PPFIA2: variants seen among roughly 807,000 people sequenced by gnomAD.
PPFIA2 encodes the protein PPFI scaffold protein A2, also known as liprin-alpha-2.
A neutral mutation model predicts 175.5 loss-of-function variants in PPFIA2; 46 were observed. The ratio of observed to expected loss-of-function variants is 0.26; its 90% CI spans 0.21 to 0.34. The LOEUF is 0.34. Among genes scored for constraint, PPFIA2 ranks in the 10% least tolerant of loss-of-function variants. The pLI is 1.00. For synonymous variants in PPFIA2, 568 were observed against 511.4 expected (o/e 1.11, Z -1.49); for missense variants, 1,179 against 1,506.1 (o/e 0.78, Z 3.60).
At chr12:81,503,726 G>A (rs1485719656) in intron 4 of PPFIA2, among the ~76,000 whole-genome samples, 1 of 151,824 alleles carries the variant, frequency 6.6e-6, no homozygotes, top group Non-Finnish European at 1.5e-5. Context: ...TTTTTCTCTA[G>A]TTATAAATTT....
rs1335806585 is a variant in PPFIA2, at chr12:81,375,892, C to T, written c.1035G>A (p.Lys345=). ...DMEERITTLE[K]RYLSAQREST... ...ATTCTCTCTGAGCACTGAGGTAACG[C>T]TTTTCAAGGGTTGTAATTCTTTCTT... Residue 345 remains lysine (K), a synonymous_variant, in exon 10 of 33, where the codon AAG becomes AAA. Transcript: ENST00000549396. 8.7e-6 allele frequency: 14 copies of T among 1,612,928 alleles called. No homozygotes were observed. The highest frequency in any genetic ancestry group is 1.1e-5 in the Non-Finnish European group (13 of 1,179,212).
chr12:81,687,837 T>G (rs1233487406), intron 3 of PPFIA2, among the ~76,000 whole-genome samples: 1 of 151,924 alleles, frequency 6.6e-6, no homozygotes, highest in Non-Finnish European at 1.5e-5. Context: ...ATATTAATTA[T>G]TATTATTCAT....
Position 81,259,523 on chromosome 12 carries a change from C to A in PPFIA2, c.*171G>T. On this transcript the variant is annotated 3_prime_UTR_variant, in exon 33 of 33. Coordinates refer to ENST00000549396, the MANE Select transcript of PPFIA2 (RefSeq NM_003625.5). ...TAATCAAATGTAATATCTGACTCCC[C>A]CCAAAAATCACATTTTTCAGCTTTT... 1.9e-6 allele frequency: 2 copies of A among 1,046,108 alleles called. No individual in the cohort carries two copies. The highest frequency in any genetic ancestry group is 2.8e-6 in the Non-Finnish European group (2 of 715,554). The allele number at this position is 1,046,108 out of a possible 1,614,324, so 64.8% of individuals were successfully genotyped here.
intron 4 of PPFIA2, chr12:81,472,977 T>C (rs2056962157): frequency 6.6e-6 from 1 of 152,202 alleles, no homozygotes; most frequent in African/African-American, 2.4e-5. Flanking sequence ...TCTTAATCTT[T>C]GCAATTATTC....
intron 3 of PPFIA2, among the ~76,000 whole-genome samples, chr12:81,692,160 A>C (rs1339599646): frequency 6.6e-6 from 1 of 151,444 alleles, no homozygotes; most frequent in African/African-American, 2.4e-5. Flanking sequence ...AAGTTGCCAC[A>C]CTGTACAGCT....
chr12:81,473,145 C>A (rs575528118), intron 4 of PPFIA2, among the ~76,000 whole-genome samples: 2 of 152,096 alleles, frequency 1.3e-5, no homozygotes, highest in Non-Finnish European at 2.9e-5. Context: ...CGGTGACTCA[C>A]GCCTGTAATC....
In PPFIA2 at chr12:81,758,711, G is replaced by A. The variant is rs181968757; in HGVS notation, c.-110-204C>T. ...AGCTCGGTTCAGACCATTGTCAAAG[G>A]AGGAGAGGGGGAGGCGGCTCTTAAA... On this transcript the variant is annotated intron_variant, in intron 1 of 32. Transcript: ENST00000549396. The A allele has an allele frequency of 4.2e-3, 784 of 186,540 alleles. 8 individuals are homozygous for A. Among genetic ancestry groups the A allele is most frequent in the Non-Finnish European group, 6.6e-3 (566 of 86,180 alleles). 11.6% of individuals were successfully genotyped at this position (186,540 alleles called of 1,614,324 possible).
intron 22 of PPFIA2, among the ~76,000 whole-genome samples, chr12:81,316,129 A>G (rs575918465): frequency 2.6e-5 from 4 of 151,676 alleles, no homozygotes; most frequent in African/African-American, 9.6e-5. Flanking sequence ...ACACATATAT[A>G]TGTATGAAGT....
chr12:81,580,829 C>T (rs967353622), intron 4 of PPFIA2, among the ~76,000 whole-genome samples: 1 of 151,704 alleles, frequency 6.6e-6, no homozygotes, highest in Admixed American at 6.6e-5. Flanking sequence ...TATATTTAGA[C>T]ATTTATTGAA....
At chr12:81,618,486 AG>A (rs2061643163) in intron 4 of PPFIA2, among the ~76,000 whole-genome samples, 2 of 151,722 alleles carry the variant, frequency 1.3e-5, no homozygotes, top group African/African-American at 4.8e-5. Context: ...AATAATTAAA[AG>A]AACTTTCATT....
intron 4 of PPFIA2, among the ~76,000 whole-genome samples, chr12:81,644,573 T>C (rs575410575): frequency 5.9e-5 from 9 of 151,968 alleles, no homozygotes; most frequent in Non-Finnish European, 8.9e-5. Context: ...TCTACCTTTT[T>C]AGTTTTTTCT....
At chr12:81,473,160 C>T (rs972666471) in intron 4 of PPFIA2, among the ~76,000 whole-genome samples, 9 of 152,300 alleles carry the variant, frequency 5.9e-5, no homozygotes, top group Admixed American at 5.2e-4. Flanking sequence ...GTAATCCCAG[C>T]ACTCTGGGGG....
intron 4 of PPFIA2, among the ~76,000 whole-genome samples, chr12:81,481,091 C>A (rs1428909371): frequency 1.3e-5 from 2 of 152,058 alleles, no homozygotes; most frequent in East Asian, 1.9e-4. Context: ...TTCCTATACA[C>A]CAATAATAGA....
At chr12:81,729,913 A>T (rs915044467) in intron 3 of PPFIA2, among the ~76,000 whole-genome samples, 4 of 151,668 alleles carry the variant, frequency 2.6e-5, no homozygotes, top group African/African-American at 9.6e-5. Context: ...GCAAGGATTG[A>T]ATTCAGCCAA....
In PPFIA2 at chr12:81,723,204, A is replaced by G. The variant is rs546284405; in HGVS notation, c.249+30769T>C. 4.6e-5 allele frequency among the ~76,000 whole-genome samples: 7 copies of G among 151,120 alleles called. No homozygotes were observed. The South Asian group carries it at 1.2e-3, about 27-fold the overall frequency. The stretch of plus-strand genomic sequence containing the variant: ...ACTGCATGCAAACCCTTTAAAACCT[A>G]TAATTAATATCTCAAAATGCTAACT... On this transcript the variant is annotated intron_variant, in intron 3 of 32. Coordinates refer to ENST00000549396, the MANE Select transcript of PPFIA2 (RefSeq NM_003625.5).
intron 4 of PPFIA2, among the ~76,000 whole-genome samples, chr12:81,659,833 G>T (rs1455084358): frequency 6.6e-6 from 1 of 152,138 alleles, no homozygotes; most frequent in African/African-American, 2.4e-5. Context: ...ACCTCACACG[G>T]CCGGGTACCC....
At chr12:81,531,892 C>G (rs1051928566) in intron 4 of PPFIA2, among the ~76,000 whole-genome samples, 5 of 151,604 alleles carry the variant, frequency 3.3e-5, no homozygotes, top group Non-Finnish European at 5.9e-5. Flanking sequence ...ATGAGAAATT[C>G]AAAGAGCAAG....
intron 4 of PPFIA2, among the ~76,000 whole-genome samples, chr12:81,629,738 A>G (rs2063148964): frequency 6.6e-6 from 1 of 152,134 alleles, no homozygotes; most frequent in Non-Finnish European, 1.5e-5. Flanking sequence ...TGCACCCTAC[A>G]TGGTCCCACT....
intron 11 of PPFIA2, among the ~76,000 whole-genome samples, chr12:81,371,190 G>A (rs576745603): frequency 6.6e-5 from 10 of 151,530 alleles, no homozygotes; most frequent in African/African-American, 1.5e-4. Flanking sequence ...CCTCCAAGTC[G>A]TCCTCAAATT....
Sources: allele counts gnomAD v4.1 joint callset (sites outside exome capture counted in the v4.1 genomes callset), GRCh38; gene constraint gnomAD v4.1.1; transcripts MANE v1.5; gene names NCBI Gene and HGNC (gene_info 2026-07-23, HGNC 2026-07-21).